ARB2A: variants seen among roughly 807,000 people sequenced by gnomAD.
The protein encoded by ARB2A is ARB2 cotranscriptional regulator A.
chr5:93,644,624 A>G, the ARB2A span, among the ~76,000 whole-genome samples: 1 of 152,172 alleles, frequency 6.6e-6, no homozygotes, highest in Non-Finnish European at 1.5e-5. Flanking sequence ...TATTAAATGT[A>G]TGTTTCCATT....
the ARB2A span, among the ~76,000 whole-genome samples, chr5:93,729,035 C>A: frequency 1.4e-4 from 21 of 152,054 alleles, no homozygotes; most frequent in Admixed American, 4.6e-4. Context: ...AAATTACAGT[C>A]CAGATTTTCA....
chr5:93,707,271 T>C, the ARB2A span, among the ~76,000 whole-genome samples: 1 of 152,220 alleles, frequency 6.6e-6, no homozygotes, highest in Non-Finnish European at 1.5e-5. Context: ...GTATTTACTT[T>C]TCACGATGTC....
the ARB2A span, among the ~76,000 whole-genome samples, chr5:94,075,768 A>T: frequency 1.3e-5 from 2 of 152,170 alleles, no homozygotes; most frequent in South Asian, 2.1e-4. Flanking sequence ...AACAGAAAAT[A>T]CTTTTTAAAA....
chr5:94,042,189 CTG>C, the ARB2A span, among the ~76,000 whole-genome samples: 1 of 151,636 alleles, frequency 6.6e-6, no homozygotes, highest in Non-Finnish European at 1.5e-5. Context: ...AAAAAAAATT[CTG>C]TGTGTGAATA....
At chr5:93,732,882 T>TA in the ARB2A span, among the ~76,000 whole-genome samples, 20 of 149,618 alleles carry the variant, frequency 1.3e-4, no homozygotes, top group South Asian at 8.5e-4. Context: ...GCAAAAATTC[T>TA]AAAAAAAAAA....
At chr5:93,782,956 C>T in the ARB2A span, among the ~76,000 whole-genome samples, 6 of 151,924 alleles carry the variant, frequency 3.9e-5, no homozygotes, top group Non-Finnish European at 8.8e-5. Flanking sequence ...TAATGGCAGG[C>T]TTGATTAAAT....
the ARB2A span, among the ~76,000 whole-genome samples, chr5:93,747,534 C>A: frequency 6.6e-6 from 1 of 152,144 alleles, no homozygotes; most frequent in African/African-American, 2.4e-5. Flanking sequence ...CTTCTTTCAG[C>A]ATTTTAAACC....
the ARB2A span, among the ~76,000 whole-genome samples, chr5:93,799,170 GA>G: frequency 2.5e-3 from 376 of 152,216 alleles, 1 homozygote; most frequent in African/African-American, 8.7e-3. Context: ...TTATGGTCCT[GA>G]AAAGATAACA....
the ARB2A span, among the ~76,000 whole-genome samples, chr5:93,858,191 C>T: frequency 5.3e-3 from 810 of 152,262 alleles, 5 homozygotes; most frequent in African/African-American, 0.018. Context: ...AAGTTGTGTA[C>T]CAGGGAAGCT....
At chr5:93,868,316 T>C in the ARB2A span, among the ~76,000 whole-genome samples, 1 of 152,052 alleles carries the variant, frequency 6.6e-6, no homozygotes, top group Non-Finnish European at 1.5e-5. Flanking sequence ...TGGGACACTA[T>C]CTCAACAACA....
chr5:93,682,384 G>A, the ARB2A span, among the ~76,000 whole-genome samples: 1 of 151,626 alleles, frequency 6.6e-6, no homozygotes, highest in African/African-American at 2.4e-5. Context: ...ACAAGGTCTT[G>A]GTGACTTCCC....
the ARB2A span, among the ~76,000 whole-genome samples, chr5:94,060,091 G>A: frequency 6.6e-6 from 1 of 152,110 alleles, no homozygotes. Context: ...CAGGCGCAGT[G>A]GCTCACGCCT....
At chr5:93,805,885 C>T in the ARB2A span, 24 of 984,960 alleles carry the variant, frequency 2.4e-5, no homozygotes, top group South Asian at 1.0e-3. Context: ...GAAAGCACTT[C>T]CCAGCATCTG....
At chr5:94,030,935 C>T in the ARB2A span, among the ~76,000 whole-genome samples, 2 of 152,186 alleles carry the variant, frequency 1.3e-5, no homozygotes, top group Non-Finnish European at 2.9e-5. Flanking sequence ...GTACAAGGCC[C>T]TCAACAGAAG....
the ARB2A span, among the ~76,000 whole-genome samples, chr5:93,760,330 A>C: frequency 7.9e-5 from 12 of 152,208 alleles, no homozygotes; most frequent in African/African-American, 2.9e-4. Flanking sequence ...CATGGCCAAA[A>C]GCAATCTACA....
chr5:94,003,352 A>ACTTAT, the ARB2A span, among the ~76,000 whole-genome samples: 2 of 152,214 alleles, frequency 1.3e-5, no homozygotes, highest in Non-Finnish European at 1.5e-5. Context: ...AGTTCTAGCC[A>ACTTAT]GTAAAATAAG....
the ARB2A span, among the ~76,000 whole-genome samples, chr5:93,648,480 A>G: frequency 6.6e-6 from 1 of 152,188 alleles, no homozygotes; most frequent in African/African-American, 2.4e-5. Flanking sequence ...CCTTCCTTCC[A>G]TTTTGCTATT....
At chr5:93,675,325 A>G in the ARB2A span, among the ~76,000 whole-genome samples, 1 of 152,214 alleles carries the variant, frequency 6.6e-6, no homozygotes, top group African/African-American at 2.4e-5. Context: ...CTTTCATAGC[A>G]TGTGCTCACT....
the ARB2A span, among the ~76,000 whole-genome samples, chr5:93,902,794 T>C: frequency 2.0e-5 from 3 of 152,062 alleles, no homozygotes; most frequent in East Asian, 3.9e-4. Flanking sequence ...CAATCTGGTG[T>C]CCACCCAAGC....
Sources: gnomAD v4.1 joint callset for allele counts (sites outside exome capture counted in the v4.1 genomes callset) on GRCh38, gnomAD v4.1.1 for gene constraint, MANE v1.5 for transcripts, NCBI Gene and HGNC (gene_info 2026-07-23, HGNC 2026-07-21) for gene names.